The following PRKCB variants were observed in gnomAD, a reference collection of about 807,000 sequenced individuals.
PRKCB encodes protein kinase C beta type.
A neutral mutation model predicts 81.5 loss-of-function variants in PRKCB; 13 were observed. The ratio of observed to expected loss-of-function variants is 0.16; its 90% CI spans 0.10 to 0.25. The LOEUF (loss-of-function observed/expected upper bound fraction) is 0.25. Ranked by LOEUF, PRKCB falls within the 10% of genes least tolerant of loss-of-function variation. The pLI is 1.00. For synonymous variants in PRKCB, 335 were observed against 321.4 expected, an observed-to-expected ratio of 1.04 and a Z score of -0.45; for missense variants, 509 against 875.7, an observed-to-expected ratio of 0.58 and a Z score of 5.29.
At chr16:24,211,075 G>A (rs1248275797) in intron 16 of PRKCB, among the ~76,000 whole-genome samples, 1 of 152,134 alleles carries the variant, frequency 6.6e-6, no homozygotes, top group African/African-American at 2.4e-5. Context: ...TTCTGTGGGA[G>A]CTTCCCTCCA....
intron 5 of PRKCB, among the ~76,000 whole-genome samples, chr16:24,086,889 G>A (rs933353243): frequency 3.0e-4 from 45 of 151,828 alleles, no homozygotes; most frequent in Non-Finnish European, 5.9e-5. Context: ...TAAATATTTG[G>A]AGGGCCTTTA....
At chr16:23,988,432 C>G (rs2063497231) in intron 2 of PRKCB, 76 bp from the exon 3 acceptor site, 6 of 1,186,792 alleles carry the variant, frequency 5.1e-6, no homozygotes, top group Non-Finnish European at 6.2e-6. Flanking sequence ...TTAATGATCT[C>G]TTCCTCCCTT....
At position 23,988,578 on chromosome 16, in the gene PRKCB, T is replaced by C; in HGVS notation, c.276T>C (p.Gly92=). 1 of 1,613,968 alleles carries C rather than the reference T, an allele frequency of 6.2e-7. No homozygotes were observed. The highest frequency in any genetic ancestry group is 8.5e-7 in the Non-Finnish European group (1 of 1,179,902). Residue 92 remains glycine (G), a synonymous_variant, in exon 3 of 17, where the codon GGT becomes GGC. Coordinates refer to ENST00000643927, the MANE Select transcript of PRKCB (RefSeq NM_002738.7). ...TCTCCTGCCCTGGCGCTGACAAGGG[T>C]CCAGCCTCCGATGTAAGTAATGGGC... ...VTFSCPGADK[G]PASDDPRSKH...
chr16:24,003,521 A>T (rs1382016392), intron 3 of PRKCB, among the ~76,000 whole-genome samples: 1 of 151,980 alleles, frequency 6.6e-6, no homozygotes. Flanking sequence ...AGTAGCTGGG[A>T]CTACAGATGT....
intron 2 of PRKCB, among the ~76,000 whole-genome samples, chr16:23,983,734 G>T (rs1415272260): frequency 1.4e-5 from 2 of 148,140 alleles, no homozygotes; most frequent in Non-Finnish European, 1.5e-5. Flanking sequence ...TTTTTTTTTT[G>T]AGACAGAGTC....
At position 24,076,587 on chromosome 16, in the gene PRKCB, G is replaced by C. The variant is rs555958880; in HGVS notation, c.530-16204G>C. Among the ~76,000 whole-genome samples the C allele has an allele frequency of 3.9e-5, 6 of 152,256 alleles. No individual in the cohort carries two copies. The South Asian group carries it at 1.0e-3, about 26-fold the overall frequency. Reference sequence around the variant, plus strand: ...TGACTCACGTCTAGCTGCATGGTCTGGGGGGAGGAGCCTCAGGGTACAAGT... The same window carrying C: ...TGACTCACGTCTAGCTGCATGGTCTCGGGGGAGGAGCCTCAGGGTACAAGT... On this transcript the variant is annotated intron_variant, in intron 5 of 16. Transcript: ENST00000643927.
intron 2 of PRKCB, among the ~76,000 whole-genome samples, chr16:23,980,775 A>G (rs1271368403): frequency 6.6e-6 from 1 of 152,078 alleles, no homozygotes; most frequent in Admixed American, 6.6e-5. Flanking sequence ...ATTGTGTACA[A>G]GAGGGGAATC....
intron 2 of PRKCB, among the ~76,000 whole-genome samples, chr16:23,950,243 G>T (rs373390391): frequency 6.9e-6 from 1 of 144,402 alleles, no homozygotes; most frequent in East Asian, 2.2e-4. Context: ...AGTAACCTAG[G>T]TTCCAGACTC....
At chr16:23,882,374 A>G (rs371991189) in intron 2 of PRKCB, among the ~76,000 whole-genome samples, 2 of 151,598 alleles carry the variant, frequency 1.3e-5, no homozygotes, top group East Asian at 1.9e-4. Context: ...GCACACTACC[A>G]TGCCCAGTTA....
chr16:24,070,181 C>T (rs761464847), intron 5 of PRKCB, among the ~76,000 whole-genome samples: 55 of 145,676 alleles, frequency 3.8e-4, no homozygotes, highest in Non-Finnish European at 6.7e-4. Flanking sequence ...CAAGGTCTTG[C>T]TCTGTCGTCC....
intron 5 of PRKCB, among the ~76,000 whole-genome samples, chr16:24,041,070 G>C (rs1481318367): frequency 1.2e-5 from 1 of 80,598 alleles, no homozygotes; most frequent in African/African-American, 4.3e-5. Flanking sequence ...TTGTGTGTGT[G>C]TGACAGAGTC....
intron 16 of PRKCB, among the ~76,000 whole-genome samples, chr16:24,197,824 C>T (rs546982875): frequency 6.6e-6 from 1 of 152,180 alleles, no homozygotes; most frequent in Non-Finnish European, 1.5e-5. Context: ...CGCTGATGAA[C>T]ATGAGTCCCT....
intron 2 of PRKCB, among the ~76,000 whole-genome samples, chr16:23,868,841 C>T (rs1350272310): frequency 1.3e-5 from 2 of 152,204 alleles, no homozygotes; most frequent in South Asian, 2.1e-4. Flanking sequence ...TGGCTGATTA[C>T]AATCTTGAAT....
intron 7 of PRKCB, among the ~76,000 whole-genome samples, chr16:24,109,784 G>A (rs796657471): frequency 0.067 from 5,259 of 78,600 alleles, no homozygotes; most frequent in Middle Eastern, 0.15. Flanking sequence ...GTAGCGAGCC[G>A]AGATCACGCT....
intron 5 of PRKCB, among the ~76,000 whole-genome samples, chr16:24,089,914 G>A (rs1193924243): frequency 6.6e-6 from 1 of 152,156 alleles, no homozygotes; most frequent in Non-Finnish European, 1.5e-5. Context: ...TCCAGGTTCT[G>A]TGCTAAACAT....
At chr16:23,867,137 T>C (rs112293034) in intron 2 of PRKCB, among the ~76,000 whole-genome samples, 3,844 of 151,056 alleles carry the variant, frequency 0.025, 83 homozygotes, top group South Asian at 0.059. Flanking sequence ...CTTTCTTTCC[T>C]TTCTTACTTT....
intron 7 of PRKCB, among the ~76,000 whole-genome samples, chr16:24,111,488 A>C (rs531115393): frequency 5.3e-5 from 8 of 151,992 alleles, no homozygotes; most frequent in Non-Finnish European, 1.2e-4. Flanking sequence ...CCCCATGTTT[A>C]TTATTATATT....
intron 2 of PRKCB, among the ~76,000 whole-genome samples, chr16:23,950,141 T>TG (rs1265972212): frequency 2.1e-5 from 3 of 143,668 alleles, no homozygotes; most frequent in African/African-American, 2.6e-5. Flanking sequence ...AATTTTTTTT[T>TG]TTTTTTTTTT....
chr16:23,889,622 GT>G (rs2141115777), intron 2 of PRKCB, among the ~76,000 whole-genome samples: 1 of 152,346 alleles, frequency 6.6e-6, no homozygotes, highest in East Asian at 1.9e-4. Context: ...GTGATCCAAA[GT>G]GATGTATGTT....
Sources: gnomAD v4.1 joint callset for allele counts (sites outside exome capture counted in the v4.1 genomes callset) on GRCh38, gnomAD v4.1.1 for gene constraint, MANE v1.5 for transcripts, NCBI Gene and HGNC (gene_info 2026-07-23, HGNC 2026-07-21) for gene names.